ADAR: variants seen among roughly 807,000 people sequenced by gnomAD.
The protein encoded by ADAR is double-stranded RNA-specific adenosine deaminase.
Under a neutral mutation model 113.2 loss-of-function variants are expected in ADAR, and 41 were observed. That is an observed-to-expected ratio of 0.36 (90% CI 0.28 to 0.47). The LOEUF (loss-of-function observed/expected upper bound fraction) is 0.47. Ranked by LOEUF, ADAR falls within the 20% of genes least tolerant of loss-of-function variation. ADAR has a pLI of 1.00. For synonymous variants in ADAR, 605 were observed against 572.6 expected, an observed-to-expected ratio of 1.06 and a Z score of -0.81; for missense variants, 1,242 against 1,540.9, an observed-to-expected ratio of 0.81 and a Z score of 3.25.
chr1:154,599,900 A>G (rs1196595927), intron 2 of ADAR, among the ~76,000 whole-genome samples: 1 of 152,210 alleles, frequency 6.6e-6, no homozygotes, highest in African/African-American at 2.4e-5. Context: ...CACCTTCAAC[A>G]GGCAGGCAGC....
chr1:154,624,592 GTACTATTCC>G (rs1698883956), intron 1 of ADAR, among the ~76,000 whole-genome samples: 1 of 152,188 alleles, frequency 6.6e-6, no homozygotes, highest in South Asian at 2.1e-4. Context: ...TAAAACTAGT[GTACTATTCC>G]TACAATGAAT....
chr1:154,600,664 G>A (rs1245769783), intron 2 of ADAR: 5 of 300,710 alleles, frequency 1.7e-5, no homozygotes, highest in Admixed American at 4.7e-5. Flanking sequence ...AGTAGAGACA[G>A]GGTTTCACCA....
chr1:154,598,254 T>C (rs1697634730), intron 3 of ADAR, 148 bp downstream of exon 3: 2 of 899,426 alleles, frequency 2.2e-6, no homozygotes, highest in African/African-American at 1.7e-5. Flanking sequence ...GGAGGAAAGG[T>C]GGGCTGGCGA....
chr1:154,601,165 A>T lies in ADAR; in HGVS notation c.1477T>A (p.Tyr493Asn). 6.2e-7 allele frequency: 1 copy of T among 1,614,200 alleles called. No homozygotes were observed. The highest frequency in any genetic ancestry group is 2.2e-5 in the East Asian group (1 of 44,882). ...AGCTGGCACTCTGTCAGTTTCTTGT[A>T]GGGTGAACACCGTGGCAAGCCATGA... Reference protein sequence around the residue: ...YSHGLPRCSPYKKLTECQLKN... With the variant: ...YSHGLPRCSPNKKLTECQLKN... Residue 493 changes from tyrosine to asparagine, a missense_variant, in exon 2 of 15, where the codon TAC becomes AAC. Coordinates refer to ENST00000368474, the MANE Select transcript of ADAR (RefSeq NM_001111.5). The surrounding 1 kb of genome is among the most constrained non-coding windows in gnomAD (Gnocchi z 4.7).
At chr1:154,618,817 A>G (rs879709390) in intron 1 of ADAR, among the ~76,000 whole-genome samples, 7 of 152,318 alleles carry the variant, frequency 4.6e-5, no homozygotes, top group Middle Eastern at 3.4e-3. Context: ...AAATAAAAAC[A>G]CCAAGAAGCA....
At chr1:154,622,408 A>G (rs1698813043) in intron 1 of ADAR, among the ~76,000 whole-genome samples, 1 of 152,180 alleles carries the variant, frequency 6.6e-6, no homozygotes, top group Non-Finnish European at 1.5e-5. Context: ...AAAGTTTTAA[A>G]GTTGACAACC....
At chr1:154,622,550 G>C (rs1698818529) in intron 1 of ADAR, among the ~76,000 whole-genome samples, 2 of 152,164 alleles carry the variant, frequency 1.3e-5, no homozygotes, top group African/African-American at 4.8e-5. Context: ...CCAAAATATG[G>C]AGAAGGCCTT....
chr1:154,616,596 T>C (rs1297755709), intron 1 of ADAR, among the ~76,000 whole-genome samples: 2 of 152,196 alleles, frequency 1.3e-5, no homozygotes, highest in Non-Finnish European at 2.9e-5. Context: ...CCCTCCTCTC[T>C]TTTGGAGCAT....
At position 154,607,985 on chromosome 1, in the gene ADAR, G is replaced by A. The variant is rs770671038; in HGVS notation, c.15+7C>T. On this transcript the variant is annotated splice_region_variant and intron_variant, in intron 1 of 14. Coordinates refer to ENST00000368474, the MANE Select transcript of ADAR (RefSeq NM_001111.5). ...GGCGGCGAAGGTCCAAGGCCGGCCC[G>A]GCTTACCTGCCGCGGATTCATTGCG... is the stretch of plus-strand genomic sequence containing the variant. 3.1e-6 allele frequency: 5 copies of A among 1,609,616 alleles called. No individual in the cohort carries two copies. The highest frequency in any genetic ancestry group is 3.4e-5 in the Admixed American group (2 of 59,620).
chr1:154,617,591 C>G (rs143088057), intron 1 of ADAR, among the ~76,000 whole-genome samples: 72 of 152,246 alleles, frequency 4.7e-4, no homozygotes, highest in Admixed American at 1.8e-3. Flanking sequence ...GACACTACCA[C>G]TCAAACGAGA....
At chr1:154,621,932 T>A (rs1698800573) in intron 1 of ADAR, among the ~76,000 whole-genome samples, 1 of 152,184 alleles carries the variant, frequency 6.6e-6, no homozygotes, top group African/African-American at 2.4e-5. Flanking sequence ...TTTTTGTTGT[T>A]GTCAAAAGAA....
intron 2 of ADAR, among the ~76,000 whole-genome samples, chr1:154,599,780 G>A (rs1046912186): frequency 4.6e-5 from 7 of 152,246 alleles, no homozygotes; most frequent in Non-Finnish European, 1.0e-4. Context: ...CTACAGTGCA[G>A]GGCCTGACCA....
At chr1:154,599,869 G>A (rs1697746467) in intron 2 of ADAR, among the ~76,000 whole-genome samples, 1 of 152,222 alleles carries the variant, frequency 6.6e-6, no homozygotes, top group Non-Finnish European at 1.5e-5. Flanking sequence ...GTGCAGAGGA[G>A]GTTTATAAAA....
At position 154,584,732 on chromosome 1, in the gene ADAR, G is replaced by T; in HGVS notation, c.*74C>A. ...AGAAAAAAAAATCCCCTGACCATGT[G>T]ATGAGGAATGCTACGACCTACCTCT... On this transcript the variant is annotated 3_prime_UTR_variant, in exon 15 of 15. Coordinates refer to ENST00000368474, the MANE Select transcript of ADAR (RefSeq NM_001111.5). 1 of 1,268,712 alleles carries T rather than the reference G, an allele frequency of 7.9e-7. No individual in the cohort carries two copies. Among genetic ancestry groups the T allele is most frequent in the Non-Finnish European group, 1.1e-6 (1 of 876,074 alleles). 78.6% of individuals were successfully genotyped at this position (1,268,712 alleles called of 1,614,324 possible). A position where few individuals can be genotyped will look rare whatever the true frequency, so the allele number is the denominator to read the frequency against.
At chr1:154,627,958 A>G (rs780950868) in exon 1 of ADAR, 7 of 461,700 alleles carry the variant, frequency 1.5e-5, no homozygotes, top group Middle Eastern at 3.4e-4. Flanking sequence ...CTCTACCTTC[A>G]GTCGGGAATC....
chr1:154,610,824 G>GAAAAAAAAA (rs1298389364), upstream of ADAR, among the ~76,000 whole-genome samples: 8 of 65,202 alleles, frequency 1.2e-4, no homozygotes, highest in Admixed American at 2.1e-4. Context: ...AAAAAAAAAA[G>GAAAAAAAAA]AAAAAAAAAA....
chr1:154,584,504 A>T lies in ADAR; in HGVS notation c.*302T>A. On this transcript the variant is annotated 3_prime_UTR_variant, in exon 15 of 15. Coordinates refer to ENST00000368474, the MANE Select transcript of ADAR (RefSeq NM_001111.5). Reference sequence around the variant, plus strand: ...GAAACAAATCAAAACAAAACTTTTAAGAGGAAATGGACCGCAGGTGCTCAG... The same window carrying T: ...GAAACAAATCAAAACAAAACTTTTATGAGGAAATGGACCGCAGGTGCTCAG... 2.7e-6 allele frequency: 1 copy of T among 368,650 alleles called. No individual in the cohort carries two copies. The highest frequency in any genetic ancestry group is 5.2e-5 in the East Asian group (1 of 19,152). 22.8% of individuals were successfully genotyped at this position (368,650 alleles called of 1,614,324 possible). A position where few individuals can be genotyped will look rare whatever the true frequency, so the allele number is the denominator to read the frequency against.
chr1:154,590,771 G>A (rs1339201190), intron 6 of ADAR, among the ~76,000 whole-genome samples: 1 of 136,140 alleles, frequency 7.3e-6, no homozygotes, highest in African/African-American at 2.8e-5. Context: ...GCAACATAGC[G>A]AGACCCCTGT....
Position 154,597,179 on chromosome 1 carries a change from C to T in ADAR, c.2023G>A (p.Glu675Lys). Residue 675 changes from glutamate (E) to lysine (K), a missense_variant, in exon 5 of 15, where the codon GAA (glutamate) becomes AAA (lysine). Transcript: ENST00000368474. ...KKVAKQMAAE[E>K]AMKALHGEAT... ...TCCCCATGCAGGGCCTTCATGGCTTCCTCTGCGGCCATCTGCTTTGCCACT... is the reference window on the plus strand; with the variant it reads ...TCCCCATGCAGGGCCTTCATGGCTTTCTCTGCGGCCATCTGCTTTGCCACT... 1 of 1,614,200 alleles carries T rather than the reference C, an allele frequency of 6.2e-7. No homozygotes were observed. Among genetic ancestry groups the T allele is most frequent in the Non-Finnish European group, 8.5e-7 (1 of 1,180,032 alleles).
Sources: allele counts gnomAD v4.1 joint callset (sites outside exome capture counted in the v4.1 genomes callset), GRCh38; gene constraint gnomAD v4.1.1; non-coding constraint Gnocchi (gnomAD v3.1); transcripts MANE v1.5; gene names NCBI Gene and HGNC (gene_info 2026-07-23, HGNC 2026-07-21).